Variants in MARCHF1 observed in about 807,000 individuals in gnomAD.
MARCHF1 encodes the protein E3 ubiquitin-protein ligase MARCHF1.
MARCHF1 carries 40 observed loss-of-function variants against 54.2 expected under a neutral mutation model. The ratio of observed to expected loss-of-function variants is 0.74; its 90% confidence interval spans 0.57 to 0.96. The LOEUF (loss-of-function observed/expected upper bound fraction) is 0.96, where lower values mean the gene tolerates loss of function less well. Ranked by LOEUF, MARCHF1 falls within the 40% of genes least tolerant of loss-of-function variation. The pLI is 0.00. For synonymous variants in MARCHF1, 236 were observed against 236.3 expected (o/e 1.00, Z 0.01); for missense variants, 586 against 656.5 (o/e 0.89, Z 1.17).
At chr4:163,922,108 C>T (rs1444660421) in intron 3 of MARCHF1, among the ~76,000 whole-genome samples, 1 of 151,062 alleles carries the variant, frequency 6.6e-6, no homozygotes, top group Non-Finnish European at 1.5e-5. Flanking sequence ...TCTCAGCAAA[C>T]ACAGGAACAG....
chr4:164,290,420 A>C (rs1734259477), intron 1 of MARCHF1, among the ~76,000 whole-genome samples: 1 of 152,038 alleles, frequency 6.6e-6, no homozygotes, highest in Admixed American at 6.6e-5. Flanking sequence ...TGCTTTGTGA[A>C]GGGCAGGCAC....
intron 2 of MARCHF1, among the ~76,000 whole-genome samples, chr4:163,999,860 C>T (rs1347041494): frequency 6.6e-6 from 1 of 151,688 alleles, no homozygotes; most frequent in East Asian, 1.9e-4. Flanking sequence ...AACTAACTTG[C>T]CCAAGGTCCC....
intron 2 of MARCHF1, among the ~76,000 whole-genome samples, chr4:164,009,418 G>A (rs1356818790): frequency 2.6e-5 from 4 of 152,086 alleles, no homozygotes; most frequent in African/African-American, 4.8e-5. Context: ...AATTAAAGAG[G>A]AGGAAATACT....
chr4:163,975,736 T>C (rs1049418485), intron 3 of MARCHF1, among the ~76,000 whole-genome samples: 11 of 152,198 alleles, frequency 7.2e-5, no homozygotes, highest in African/African-American at 2.7e-4. Context: ...GCCTCCTCTA[T>C]TGAACAATAT....
chr4:163,705,323 C>T (rs186030693), intron 4 of MARCHF1, among the ~76,000 whole-genome samples: 2 of 151,332 alleles, frequency 1.3e-5, no homozygotes, highest in East Asian at 1.9e-4. Flanking sequence ...GTACTCCCTA[C>T]CCCACCAAAA....
At chr4:164,368,161 C>A in intron 1 of MARCHF1, among the ~76,000 whole-genome samples, 1 of 147,074 alleles carries the variant, frequency 6.8e-6, no homozygotes. Flanking sequence ...ACTGATTTTT[C>A]TTATATATGT....
At chr4:163,585,420 T>C (rs747638509) in intron 8 of MARCHF1, 9 of 164,658 alleles carry the variant, frequency 5.5e-5, no homozygotes, top group Non-Finnish European at 7.9e-5. Flanking sequence ...GCTATCATAG[T>C]TCTCATCAAT....
chr4:164,327,124 C>T (rs74489014), intron 1 of MARCHF1, among the ~76,000 whole-genome samples: 16,661 of 151,990 alleles, frequency 0.11, 1,497 homozygotes, highest in East Asian at 0.3. Context: ...GCTATATTAG[C>T]ACCTAGAATA....
chr4:163,639,125 A>T (rs143713350), intron 5 of MARCHF1, among the ~76,000 whole-genome samples: 6 of 152,274 alleles, frequency 3.9e-5, no homozygotes, highest in Non-Finnish European at 8.8e-5. Flanking sequence ...CAACAATGTG[A>T]ATGTACTTAC....
intron 2 of MARCHF1, among the ~76,000 whole-genome samples, chr4:163,996,510 G>A (rs1408141998): frequency 6.6e-6 from 1 of 151,864 alleles, no homozygotes; most frequent in African/African-American, 2.4e-5. Flanking sequence ...TTGTGTTCTT[G>A]GAAGAATAAA....
At chr4:164,242,153 G>A (rs1460463673) in intron 1 of MARCHF1, among the ~76,000 whole-genome samples, 1 of 151,496 alleles carries the variant, frequency 6.6e-6, no homozygotes, top group Non-Finnish European at 1.5e-5. Context: ...GCCTGCCTCT[G>A]TAGGCTCCAC....
intron 4 of MARCHF1, among the ~76,000 whole-genome samples, chr4:163,779,046 T>G (rs2043717540): frequency 6.6e-6 from 1 of 152,198 alleles, no homozygotes; most frequent in Non-Finnish European, 1.5e-5. Context: ...TCATCTCCTC[T>G]TTTCAAAAAT....
chr4:164,381,718 C>A (rs939985561), intron 1 of MARCHF1, among the ~76,000 whole-genome samples: 1 of 152,124 alleles, frequency 6.6e-6, no homozygotes, highest in African/African-American at 2.4e-5. Context: ...GAAGCTCGTA[C>A]GTTCATAAGT....
At chr4:164,266,394 C>A (rs1733611829) in intron 1 of MARCHF1, among the ~76,000 whole-genome samples, 3 of 152,040 alleles carry the variant, frequency 2.0e-5, no homozygotes, top group Non-Finnish European at 4.4e-5. Context: ...ATAATGCTAG[C>A]CAATATGGTT....
chr4:163,793,931 T>C (rs1223491028), intron 4 of MARCHF1, among the ~76,000 whole-genome samples: 1 of 152,140 alleles, frequency 6.6e-6, no homozygotes, highest in Non-Finnish European at 1.5e-5. Context: ...TTGCCGAAGC[T>C]CCCGGCTGAA....
chr4:163,940,197 A>G (rs1751883869), intron 3 of MARCHF1, among the ~76,000 whole-genome samples: 2 of 152,168 alleles, frequency 1.3e-5, no homozygotes, highest in Admixed American at 6.5e-5. Context: ...AGACCAAAAA[A>G]CAAAGAAATA....
chr4:164,173,976 G>A (rs1265769809), intron 1 of MARCHF1, among the ~76,000 whole-genome samples: 1 of 152,110 alleles, frequency 6.6e-6, no homozygotes, highest in African/African-American at 2.4e-5. Flanking sequence ...AATAGCCAGG[G>A]AGGTTAAAAA....
chr4:163,756,629 C>A (rs1304736014), intron 4 of MARCHF1, among the ~76,000 whole-genome samples: 1 of 28,778 alleles, frequency 3.5e-5, no homozygotes, highest in African/African-American at 1.2e-4. Flanking sequence ...GAGACTCTGT[C>A]TCAAAAAAAA....
At chr4:164,083,239 AT>A (rs1249243334) in intron 2 of MARCHF1, among the ~76,000 whole-genome samples, 3 of 152,134 alleles carry the variant, frequency 2.0e-5, no homozygotes, top group Non-Finnish European at 4.4e-5. Context: ...GGGTGGTGAA[AT>A]AAAGTCAGAT....
Sources: gnomAD v4.1 joint callset for allele counts (sites outside exome capture counted in the v4.1 genomes callset) on GRCh38, gnomAD v4.1.1 for gene constraint, MANE v1.5 for transcripts, NCBI Gene and HGNC (gene_info 2026-07-23, HGNC 2026-07-21) for gene names.